Variants in ITGB8 observed in about 807,000 individuals in gnomAD.
ITGB8 encodes integrin beta-8.
Under a neutral mutation model 89.5 loss-of-function variants are expected in ITGB8, and 30 were observed. The observed-to-expected ratio is 0.34, with a 90% confidence interval of 0.25 to 0.45. The LOEUF (loss-of-function observed/expected upper bound fraction) is 0.45, where lower values mean the gene tolerates loss of function less well. Among genes scored for constraint, ITGB8 ranks in the 20% least tolerant of loss-of-function variants. ITGB8 has a pLI of 1.00. For missense variants in ITGB8, 836 were observed against 933.3 expected, an observed-to-expected ratio of 0.90 and a Z score of 1.36; for synonymous variants, 335 against 320.4, an observed-to-expected ratio of 1.05 and a Z score of -0.49.
chr7:20,375,108 C>T (rs1786084553), intron 3 of ITGB8, among the ~76,000 whole-genome samples: 1 of 152,048 alleles, frequency 6.6e-6, no homozygotes, highest in South Asian at 2.1e-4. Context: ...AGATTCTTAA[C>T]TCTTAAACCC....
At chr7:20,341,011 C>T (rs1453102455) in intron 1 of ITGB8, among the ~76,000 whole-genome samples, 2 of 152,132 alleles carry the variant, frequency 1.3e-5, no homozygotes, top group Non-Finnish European at 2.9e-5. Context: ...TCATTGACTG[C>T]AATAGAACAA....
chr7:20,355,488 C>A (rs1176374159), intron 1 of ITGB8, among the ~76,000 whole-genome samples: 1 of 152,214 alleles, frequency 6.6e-6, no homozygotes, highest in African/African-American at 2.4e-5. Context: ...GTACTACCTC[C>A]TTCTCTTCCA....
At chr7:20,388,493 C>T (rs544205371) in intron 6 of ITGB8, among the ~76,000 whole-genome samples, 1 of 152,284 alleles carries the variant, frequency 6.6e-6, no homozygotes, top group South Asian at 2.1e-4. Context: ...CTTCTGTCAA[C>T]AGTGGTTTAT....
At chr7:20,354,829 T>A (rs1347662174) in intron 1 of ITGB8, among the ~76,000 whole-genome samples, 3 of 152,230 alleles carry the variant, frequency 2.0e-5, no homozygotes, top group Non-Finnish European at 4.4e-5. Flanking sequence ...ATCATCATCA[T>A]TACAAGAGAA....
At chr7:20,358,770 A>G (rs895534434) in intron 1 of ITGB8, among the ~76,000 whole-genome samples, 1 of 152,126 alleles carries the variant, frequency 6.6e-6, no homozygotes, top group Admixed American at 6.6e-5. Context: ...TACCTGGTAT[A>G]TTGCATGATG....
At chr7:20,400,260 T>C (rs1293321094) in intron 9 of ITGB8, among the ~76,000 whole-genome samples, 1 of 152,204 alleles carries the variant, frequency 6.6e-6, no homozygotes, top group Non-Finnish European at 1.5e-5. Context: ...TCATTTTCAA[T>C]TGAGTAGTAT....
chr7:20,339,960 G>A (rs1005365499), intron 1 of ITGB8, among the ~76,000 whole-genome samples: 6 of 152,184 alleles, frequency 3.9e-5, no homozygotes, highest in African/African-American at 9.7e-5. Flanking sequence ...CCCGGGAGGC[G>A]GAGGTTGCAG....
intron 3 of ITGB8, among the ~76,000 whole-genome samples, chr7:20,376,820 G>T (rs1324599252): frequency 3.3e-5 from 5 of 152,202 alleles, no homozygotes; most frequent in Non-Finnish European, 1.5e-5. Context: ...AAAGGCCTGT[G>T]TATGGAAATA....
intron 1 of ITGB8, among the ~76,000 whole-genome samples, chr7:20,345,648 G>T (rs1469586880): frequency 6.6e-6 from 1 of 152,164 alleles, no homozygotes; most frequent in Non-Finnish European, 1.5e-5. Context: ...TGCATAGCAG[G>T]ATCGAAGGAC....
chr7:20,406,028 G>T, intron 11 of ITGB8, 34 bp from the exon 12 acceptor site: 1 of 1,243,136 alleles, frequency 8.0e-7, no homozygotes. Flanking sequence ...CCTTTTTAAA[G>T]AATAAATATT....
chr7:20,379,983 T>A (rs1786311762), intron 4 of ITGB8: 1 of 152,242 alleles, frequency 6.6e-6, no homozygotes, highest in African/African-American at 2.4e-5. Flanking sequence ...ATGGATCTTT[T>A]TTCACAAAAG....
At chr7:20,330,566 T>C (rs1784340068), upstream of ITGB8, 1 of 152,048 alleles carries the variant, frequency 6.6e-6, no homozygotes, top group East Asian at 1.9e-4. Context: ...TTGTGAACGA[T>C]GGGAATGGCA....
intron 1 of ITGB8, among the ~76,000 whole-genome samples, chr7:20,340,565 T>G (rs1784724205): frequency 6.6e-6 from 1 of 152,238 alleles, no homozygotes; most frequent in Admixed American, 6.5e-5. Context: ...GGTTGAAATT[T>G]CAAGATCTGC....
chr7:20,410,721 A>C lies in ITGB8; in HGVS notation c.*724A>C, dbSNP rs1583552120. 1 of 152,744 alleles carries C rather than the reference A, an allele frequency of 6.5e-6. No homozygotes were observed. Among genetic ancestry groups the C allele is most frequent in the African/African-American group, 2.4e-5 (1 of 41,570 alleles). The allele number at this position is 152,744 out of a possible 1,614,324, so 9.5% of individuals were successfully genotyped here. The stretch of plus-strand genomic sequence containing the variant: ...CAGATGACTGGATTAATTAAGTGCT[A>C]AGTTACTACTGCCATAAAAAACTAA... On this transcript the variant is annotated 3_prime_UTR_variant, in exon 14 of 14. Coordinates refer to ENST00000222573, the MANE Select transcript of ITGB8 (RefSeq NM_002214.3).
Position 20,353,735 on chromosome 7 carries a change from C to G in ITGB8, c.128-9902C>G, listed in dbSNP as rs574466311. ...GATCACGAGGTCAGGAGATCGAGAC[C>G]ATCCTGGCTAACACGGTGAAACCCC... is the stretch of plus-strand genomic sequence containing the variant. On this transcript the variant is annotated intron_variant, in intron 1 of 13. Coordinates refer to ENST00000222573, the MANE Select transcript of ITGB8 (RefSeq NM_002214.3). Among the ~76,000 whole-genome samples the G allele has an allele frequency of 7.1e-4, 104 of 147,386 alleles. 5 individuals carry two copies. Among genetic ancestry groups the G allele is most frequent in the African/African-American group, 2.1e-3 (79 of 37,206 alleles).
chr7:20,380,795 A>T lies in ITGB8; in HGVS notation c.765A>T (p.Gly255=), dbSNP rs777902903. ...CTGGAAACATAGATACACCAGAAGG[A>T]GGTTTTGACGCCATGCTTCAGGCAG... is the stretch of plus-strand genomic sequence containing the variant. The part of the protein sequence containing the change: ...KISGNIDTPE[G]GFDAMLQAAV... The change falls in exon 5 of 14, where the codon GGA becomes GGT. Residue 255 remains glycine, a synonymous_variant. Transcript: ENST00000222573. 6.2e-7 allele frequency: 1 copy of T among 1,613,532 alleles called. No homozygotes were observed. Among genetic ancestry groups the T allele is most frequent in the Non-Finnish European group, 8.5e-7 (1 of 1,179,744 alleles).
chr7:20,349,452 T>C (rs1785040134), intron 1 of ITGB8, among the ~76,000 whole-genome samples: 1 of 151,996 alleles, frequency 6.6e-6, no homozygotes, highest in Non-Finnish European at 1.5e-5. Context: ...TTGGTATCAT[T>C]ACCTACTCCA....
In ITGB8 at chr7:20,413,543, T is replaced by C. The variant is rs1206878228; in HGVS notation, c.*3546T>C. 3 of 152,366 alleles carry C rather than the reference T, an allele frequency of 2.0e-5. No homozygotes were observed. Among genetic ancestry groups the C allele is most frequent in the Non-Finnish European group, 4.4e-5 (3 of 67,934 alleles). The allele number at this position is 152,366 out of a possible 1,614,324, so 9.4% of individuals were successfully genotyped here. On this transcript the variant is annotated 3_prime_UTR_variant, in exon 14 of 14. Coordinates refer to ENST00000222573, the MANE Select transcript of ITGB8 (RefSeq NM_002214.3). The stretch of plus-strand genomic sequence containing the variant: ...TCTTCCTTTTCTTACTCCTGTTTTT[T>C]CCACTCACTCTTCCCAAGAGATTTC...
At chr7:20,380,908 G>A in intron 5 of ITGB8, 77 bp downstream of exon 5, 1 of 1,255,128 alleles carries the variant, frequency 8.0e-7, no homozygotes. Context: ...TTTTCTCTTT[G>A]ATTTGTGGAG....
Sources: gnomAD v4.1 joint callset for allele counts (sites outside exome capture counted in the v4.1 genomes callset) on GRCh38, gnomAD v4.1.1 for gene constraint, MANE v1.5 for transcripts, NCBI Gene and HGNC (gene_info 2026-07-23, HGNC 2026-07-21) for gene names.